Variants in BCAR1 observed in about 807,000 individuals in gnomAD.
BCAR1 encodes breast cancer anti-estrogen resistance protein 1.
Under a neutral mutation model 67.6 loss-of-function variants are expected in BCAR1, and 30 were observed. The observed-to-expected ratio is 0.44, with a 90% CI of 0.33 to 0.60. The LOEUF (loss-of-function observed/expected upper bound fraction) is 0.60. Among genes scored for constraint, BCAR1 ranks in the 20% least tolerant of loss-of-function variants. BCAR1 has a pLI of 0.02. For synonymous variants in BCAR1, 626 were observed against 556.7 expected (o/e 1.12, Z -1.75); for missense variants, 1,313 against 1,222.3 (o/e 1.07, Z -1.11).
intron 2 of BCAR1, 34 bp downstream of exon 2, chr16:75,242,436 G>A (rs1424201060): frequency 5.0e-6 from 7 of 1,413,394 alleles, no homozygotes; most frequent in Admixed American, 2.7e-5. Flanking sequence ...GGCTATACCT[G>A]TGTGGCTGCA....
Position 75,235,941 on chromosome 16 carries a change from G to T in BCAR1, c.958C>A (p.Pro320Thr), listed in dbSNP as rs1235932300. Residue 320 changes from proline to threonine, a missense_variant, in exon 5 of 7, where the codon CCA (proline) becomes ACA (threonine). By Grantham distance (38) the Pro-to-Thr change is conservative. Around this residue, in one of 2 missense-constraint regions of BCAR1, gnomAD observed 1,272 missense variants for 1,137.5 expected, o/e 1.12. Transcript: ENST00000162330. ...PSVSKDVPDG[P>T]LLREETYDVP... ...TCGTAGGTCTCCTCACGCAGCAGTG[G>T]GCCATCGGGCACATCCTTGCTCACC... The T allele has an allele frequency of 6.4e-7, 1 of 1,574,046 alleles. No individual in the cohort carries two copies.
chr16:75,236,578 T>G, intron 4 of BCAR1: 1 of 466,772 alleles, frequency 2.1e-6, no homozygotes, highest in Non-Finnish European at 3.7e-6. Context: ...ACATAATTAC[T>G]AGTCCCCCCT....
rs1219588234 is a variant in BCAR1 at position 75,236,877 on chromosome 16, C to T, written c.912+5G>A. The T allele has an allele frequency of 6.2e-7, 1 of 1,611,582 alleles. No individual in the cohort carries two copies. Among genetic ancestry groups the T allele is most frequent in the South Asian group, 1.1e-5 (1 of 90,382 alleles). ...GGCCCTGGCATTGCCCTGGCATTTG[C>T]TCACTGCGTGGTGGTTGGACGGTGG... is the stretch of plus-strand genomic sequence containing the variant. On this transcript the variant is annotated splice_donor_5th_base_variant and intron_variant, in intron 4 of 6. Coordinates refer to ENST00000162330, the MANE Select transcript of BCAR1 (RefSeq NM_014567.5).
intron 1 of BCAR1, chr16:75,264,341 C>A: frequency 6.6e-7 from 1 of 1,514,200 alleles, no homozygotes; most frequent in Admixed American, 2.1e-5. Flanking sequence ...TCACTACTGC[C>A]CTGGGATACC....
chr16:75,265,917 C>T (rs1597296913), intron 1 of BCAR1: 1 of 1,110,108 alleles, frequency 9.0e-7, no homozygotes, highest in African/African-American at 1.7e-5. Flanking sequence ...GCTCAGAGGC[C>T]CCGCGAGGGG....
Position 75,242,626 on chromosome 16 carries a change from G to A in BCAR1, c.477C>T (p.Ser159=), listed in dbSNP as rs753799881. The A allele has an allele frequency of 6.6e-7, 1 of 1,514,336 alleles. No homozygotes were observed. The highest frequency in any genetic ancestry group is 2.3e-5 in the East Asian group (1 of 43,242). 93.8% of individuals were successfully genotyped at this position (1,514,336 alleles called of 1,614,324 possible). ...GCACCTGGTACAGGTCTGTGGCCGG[G>A]CTGGGAAACGGGTGATGGGGTGTCT... is the stretch of plus-strand genomic sequence containing the variant. ...SKQTPHHPFP[S]PATDLYQVPP... Residue 159 remains serine, a synonymous_variant, in exon 2 of 7, where the codon AGC becomes AGT. Transcript: ENST00000162330.
chr16:75,231,952 G>A (rs1479613764), intron 6 of BCAR1, among the ~76,000 whole-genome samples: 3 of 152,190 alleles, frequency 2.0e-5, no homozygotes, highest in African/African-American at 7.2e-5. Context: ...TGCGATCTCG[G>A]CTCACCGCAA....
intron 6 of BCAR1, among the ~76,000 whole-genome samples, chr16:75,230,731 G>C (rs566651918): frequency 3.9e-5 from 6 of 152,286 alleles, no homozygotes; most frequent in African/African-American, 1.4e-4. Flanking sequence ...GCCACCCTAG[G>C]CGCAAAGATC....
chr16:75,235,210 G>A lies in BCAR1; in HGVS notation c.1689C>T (p.Asp563=), dbSNP rs774985176. 81 of 1,608,026 alleles carry A rather than the reference G, an allele frequency of 5.0e-5. No homozygotes were observed. Among genetic ancestry groups the A allele is most frequent in the Admixed American group, 4.5e-4 (27 of 59,930 alleles). ...QTLVAHGQAL[D]AGRGGSGATL... is the part of the protein sequence containing the mutation. Reference sequence around the variant, plus strand: ...TGGCTCCAGAGCCTCCCCGGCCAGCGTCGAGGGCCTGACCATGTGCCACCA... The same window carrying A: ...TGGCTCCAGAGCCTCCCCGGCCAGCATCGAGGGCCTGACCATGTGCCACCA... Residue 563 remains aspartate, a synonymous_variant, in exon 5 of 7, where the codon GAC becomes GAT. Transcript: ENST00000162330.
intron 1 of BCAR1, chr16:75,250,245 G>A (rs2077636876): frequency 6.6e-6 from 1 of 152,498 alleles, no homozygotes. Flanking sequence ...CCAGGAGGAA[G>A]TGTCAGCAGC....
chr16:75,231,497 A>C (rs907168424), intron 6 of BCAR1, among the ~76,000 whole-genome samples: 10 of 152,216 alleles, frequency 6.6e-5, no homozygotes, highest in African/African-American at 2.4e-4. Context: ...GAGATTTCAG[A>C]TTCTTCACCG....
At chr16:75,252,566 T>G (rs982978053), upstream of BCAR1, among the ~76,000 whole-genome samples, 3 of 151,738 alleles carry the variant, frequency 2.0e-5, no homozygotes, top group African/African-American at 7.2e-5. Context: ...AGGCACAATC[T>G]GCAGGGAGAT....
At chr16:75,266,824 A>G in intron 1 of BCAR1, 1 of 1,320,420 alleles carries the variant, frequency 7.6e-7, no homozygotes, top group African/African-American at 1.5e-5. Context: ...CCCGGAGGTC[A>G]GCGCTGCCCA....
chr16:75,253,609 A>G (rs1000844328), upstream of BCAR1, among the ~76,000 whole-genome samples: 2 of 152,118 alleles, frequency 1.3e-5, no homozygotes, highest in Admixed American at 6.5e-5. Context: ...GCTCCGACAC[A>G]GGCATTTCAA....
At position 75,235,332 on chromosome 16, in the gene BCAR1, G is replaced by T; in HGVS notation, c.1567C>A (p.Arg523Ser). The T allele has an allele frequency of 6.2e-7, 1 of 1,601,788 alleles. No individual in the cohort carries two copies. Residue 523 changes from arginine to serine, a missense_variant, in exon 5 of 7, where the codon CGC becomes AGC. Physicochemically the swap from Arg to Ser is moderately radical, Grantham distance 110. Transcript: ENST00000162330. ...TGGGCAGCATTGCCCACCGCGCTGC[G>T]GGCAAACTCCAACAGCTCGTGGACG... is the stretch of plus-strand genomic sequence containing the variant. ...SAVHELLEFA[R>S]SAVGNAAHTS...
chr16:75,256,515 G>GC (rs1567622416), upstream of BCAR1, among the ~76,000 whole-genome samples: 1 of 80,630 alleles, frequency 1.2e-5, no homozygotes, highest in African/African-American at 4.2e-5. Context: ...CAGCACGGAT[G>GC]GGGGGGGGTG....
chr16:75,236,455 C>T (rs894601306), intron 4 of BCAR1: 19 of 332,974 alleles, frequency 5.7e-5, no homozygotes, highest in African/African-American at 3.9e-4. Flanking sequence ...AGCACCACCA[C>T]CACGTGTGAA....
upstream of BCAR1, chr16:75,251,943 G>A: frequency 1.8e-6 from 1 of 558,070 alleles, no homozygotes; most frequent in Admixed American, 3.2e-5. Flanking sequence ...CCACTTCTGG[G>A]AAGGCTGCCC....
rs554314074 is a variant in BCAR1 at position 75,262,891 on chromosome 16, G to A, written c.66+5024C>T. ...GAAGAGGTGACACAAACTCATCTTCGGGAAGCCACAGGTAGAGGGCTGGCT... is the reference window on the plus strand; with the variant it reads ...GAAGAGGTGACACAAACTCATCTTCAGGAAGCCACAGGTAGAGGGCTGGCT... On this transcript the variant is annotated intron_variant, in intron 1 of 6. Coordinates refer to the BCAR1 transcript ENST00000393422. Among the ~76,000 whole-genome samples, 126 of 152,246 alleles carry A rather than the reference G, an allele frequency of 8.3e-4. 2 individuals carry two copies. The South Asian group carries it at 0.025, about 30-fold the overall frequency.
Sources: gnomAD v4.1 joint callset for allele counts (sites outside exome capture counted in the v4.1 genomes callset) on GRCh38, gnomAD v4.1.1 for gene constraint, gnomAD v4.1.1 regional missense constraint, MANE v1.5 for transcripts, NCBI Gene and HGNC (gene_info 2026-07-23, HGNC 2026-07-21) for gene names.